LMBR1: variants seen among roughly 807,000 people sequenced by gnomAD.
LMBR1 encodes limb region 1 protein homolog.
A neutral mutation model predicts 73.9 loss-of-function variants in LMBR1; 52 were observed. That is an observed-to-expected ratio of 0.70 (90% CI 0.56 to 0.89). The LOEUF (loss-of-function observed/expected upper bound fraction) is 0.89, where lower values mean the gene tolerates loss of function less well. LMBR1 is among the 40% of genes least tolerant of loss of function. The pLI is 0.00. For missense variants in LMBR1, 539 were observed against 579.8 expected, an observed-to-expected ratio of 0.93 and a Z score of 0.72; for synonymous variants, 215 against 209.4, an observed-to-expected ratio of 1.03 and a Z score of -0.23.
intron 16 of LMBR1, 31 bp downstream of exon 16, chr7:156,687,999 A>C: frequency 1.3e-6 from 2 of 1,519,196 alleles, no homozygotes; most frequent in Non-Finnish European, 8.8e-7. Context: ...TAGTAGAAAG[A>C]GGAAAAAATA....
Position 156,671,018 on chromosome 7 carries a change from G to GCTCA in LMBR1, n.867-1735_867-1732dup, listed in dbSNP as rs147245466. Among the ~76,000 whole-genome samples, 763 of 152,288 alleles carry GCTCA rather than the reference G, an allele frequency of 5.0e-3. 5 individuals are homozygous for GCTCA. Among genetic ancestry groups the GCTCA allele is most frequent in the African/African-American group, 0.018 (744 of 41,554 alleles). On this transcript the variant is annotated intron_variant and non_coding_transcript_variant, in intron 4 of 4. Coordinates refer to the LMBR1 transcript ENST00000430825. The stretch of plus-strand genomic sequence containing the variant: ...AAAGCAGGAGAGGAAAATTAAGTAT[G>GCTCA]CTCAGATCCTTGTATTGGTTCGAGG...
chr7:156,817,655 T>TA (rs1834135108), intron 4 of LMBR1, among the ~76,000 whole-genome samples: 1 of 151,980 alleles, frequency 6.6e-6, no homozygotes, highest in Non-Finnish European at 1.5e-5. Context: ...ACTTTTTTCT[T>TA]AAAAAACAAA....
At chr7:156,796,922 A>G (rs1044426911) in intron 4 of LMBR1, among the ~76,000 whole-genome samples, 5 of 152,182 alleles carry the variant, frequency 3.3e-5, no homozygotes, top group African/African-American at 1.2e-4. Context: ...AATAATTAGC[A>G]TTTATTGAGC....
At chr7:156,760,786 A>C (rs1420169915) in intron 8 of LMBR1, among the ~76,000 whole-genome samples, 1 of 152,254 alleles carries the variant, frequency 6.6e-6, no homozygotes, top group East Asian at 1.9e-4. Flanking sequence ...TTCAAAATTA[A>C]GCAAGCATTT....
chr7:156,732,136 C>T (rs1477114743), intron 10 of LMBR1, among the ~76,000 whole-genome samples: 11 of 151,878 alleles, frequency 7.2e-5, no homozygotes, highest in South Asian at 2.1e-4. Flanking sequence ...TCTGAAGCTG[C>T]GGCAACAACA....
intron 9 of LMBR1, among the ~76,000 whole-genome samples, chr7:156,737,989 C>T (rs1009994272): frequency 2.0e-5 from 3 of 152,110 alleles, no homozygotes; most frequent in Non-Finnish European, 2.9e-5. Flanking sequence ...CAACTACATA[C>T]AAAATAGCAC....
intron 1 of LMBR1, among the ~76,000 whole-genome samples, chr7:156,863,814 T>C (rs1442188463): frequency 6.6e-6 from 1 of 152,206 alleles, no homozygotes; most frequent in African/African-American, 2.4e-5. Flanking sequence ...GCAGGAGCTT[T>C]TTAATTTTAG....
chr7:156,768,613 T>C (rs1221233765), intron 5 of LMBR1, among the ~76,000 whole-genome samples: 3 of 152,162 alleles, frequency 2.0e-5, no homozygotes, highest in Non-Finnish European at 4.4e-5. Context: ...GTGGTTTGGC[T>C]TCAGCAGTGG....
At chr7:156,713,254 TAGAC>T (rs761333569) in intron 15 of LMBR1, among the ~76,000 whole-genome samples, 5 of 151,758 alleles carry the variant, frequency 3.3e-5, no homozygotes, top group South Asian at 2.1e-4. Context: ...GAGGGATAAA[TAGAC>T]AGGGCACGGA....
At chr7:156,852,216 T>C (rs544768308) in intron 1 of LMBR1, among the ~76,000 whole-genome samples, 3 of 152,310 alleles carry the variant, frequency 2.0e-5, no homozygotes, top group African/African-American at 7.2e-5. Context: ...AACAAAGTAG[T>C]GTGAATACTC....
At chr7:156,793,105 C>T (rs1829513733) in intron 5 of LMBR1, among the ~76,000 whole-genome samples, 1 of 152,094 alleles carries the variant, frequency 6.6e-6, no homozygotes, top group Non-Finnish European at 1.5e-5. Flanking sequence ...TGTACTTATT[C>T]GCCAAATATG....
chr7:156,853,625 C>A lies in LMBR1; in HGVS notation c.67-16740G>T, dbSNP rs73503925. On this transcript the variant is annotated intron_variant, in intron 1 of 16. Coordinates refer to ENST00000353442, the MANE Select transcript of LMBR1 (RefSeq NM_022458.4). ...TCAAGCAGCTGCCAAATGATGAACC[C>A]AAAGGAAGTCACCACATAGAATAAA... 8.9e-3 allele frequency among the ~76,000 whole-genome samples: 1,349 copies of A among 152,190 alleles called. 15 individuals are homozygous for A. Among genetic ancestry groups the A allele is most frequent in the African/African-American group, 0.03 (1,256 of 41,520 alleles).
rs771481264 is a variant in LMBR1, at chr7:156,833,766, C to T, written c.166G>A (p.Val56Ile). Residue 56 changes from valine (V) to isoleucine (I), a missense_variant, in exon 3 of 17, where the codon GTC (valine) becomes ATC (isoleucine). By Grantham distance (29) the Val-to-Ile change is conservative (BLOSUM62 3). Around this residue, in one of 3 missense-constraint regions of LMBR1, gnomAD observed 454 missense variants for 473.4 expected, o/e 0.96. Coordinates refer to ENST00000353442, the MANE Select transcript of LMBR1 (RefSeq NM_022458.4). ...TAAAATACATACGAAATCCTGTTGA[C>T]GATGGCATCTTCATCTTCTTGTTCA... Reference protein sequence around the residue: ...SDEQEDEDAIVNRISLFLSTF... With the variant: ...SDEQEDEDAIINRISLFLSTF... 17 of 1,598,984 alleles carry T rather than the reference C, an allele frequency of 1.1e-5. No individual in the cohort carries two copies. Among genetic ancestry groups the T allele is most frequent in the Non-Finnish European group, 1.4e-5 (17 of 1,172,760 alleles).
intron 15 of LMBR1, among the ~76,000 whole-genome samples, chr7:156,691,540 C>T (rs1176700182): frequency 6.6e-6 from 1 of 152,104 alleles, no homozygotes; most frequent in Admixed American, 6.5e-5. Context: ...CCTGAGTAAA[C>T]TTCTACTTTT....
intron 9 of LMBR1, among the ~76,000 whole-genome samples, chr7:156,740,995 G>C (rs1475623015): frequency 6.6e-6 from 1 of 152,136 alleles, no homozygotes; most frequent in Non-Finnish European, 1.5e-5. Context: ...ACAACAAAAA[G>C]TTTAAAAGTG....
chr7:156,728,587 T>A, intron 11 of LMBR1, 57 bp downstream of exon 11: 1 of 1,278,080 alleles, frequency 7.8e-7, no homozygotes, highest in Admixed American at 2.3e-5. Context: ...CATACTCAAA[T>A]GCTGAAGTAA....
chr7:156,864,980 C>T (rs61014763), intron 1 of LMBR1, among the ~76,000 whole-genome samples: 38,936 of 144,984 alleles, frequency 0.27, 5,425 homozygotes, highest in East Asian at 0.43. Context: ...TGGGTGACAG[C>T]GCGAGACTCT....
In LMBR1 at chr7:156,833,894, T is replaced by C. The variant is rs1011172817; in HGVS notation, c.140-102A>G. 7 of 746,276 alleles carry C rather than the reference T, an allele frequency of 9.4e-6. No homozygotes were observed. The East Asian group carries it at 1.1e-4, about 12-fold the overall frequency. The allele number at this position is 746,276 out of a possible 1,614,324, so 46.2% of individuals were successfully genotyped here. On this transcript the variant is annotated intron_variant, in intron 2 of 16. Transcript: ENST00000353442. The stretch of plus-strand genomic sequence containing the variant: ...ACAATATAAACTTAAAAGGCAATTA[T>C]TGAACAGAAACAATTTTCAAAAAGC...
chr7:156,704,967 A>T (rs1401315800), intron 15 of LMBR1, among the ~76,000 whole-genome samples: 1 of 152,084 alleles, frequency 6.6e-6, no homozygotes, highest in East Asian at 1.9e-4. Context: ...TAAAAACCTA[A>T]CGTACAGATT....
Sources: gnomAD v4.1 joint callset for allele counts (sites outside exome capture counted in the v4.1 genomes callset) on GRCh38, gnomAD v4.1.1 for gene constraint, gnomAD v4.1.1 regional missense constraint, MANE v1.5 for transcripts, NCBI Gene and HGNC (gene_info 2026-07-23, HGNC 2026-07-21) for gene names.